RRAGB: variants seen among roughly 807,000 people sequenced by gnomAD.
RRAGB encodes ras-related GTP-binding protein B.
RRAGB carries 6 observed loss-of-function variants against 29.3 expected under a neutral mutation model. That is an observed-to-expected ratio of 0.21 (90% confidence interval 0.11 to 0.40). The LOEUF is 0.40. Ranked by LOEUF, RRAGB falls within the 10% of genes least tolerant of loss-of-function variation. The pLI is 1.00. For missense variants in RRAGB, 184 were observed against 272.9 expected, an observed-to-expected ratio of 0.67 and a Z score of 2.29; for synonymous variants, 101 against 92.5, an observed-to-expected ratio of 1.09 and a Z score of -0.53.
At chrX:55,748,331 C>T (rs373839373) in intron 5 of RRAGB, among the ~76,000 whole-genome samples, 1 of 110,962 alleles carries the variant, frequency 9.0e-6, no homozygotes, top group East Asian at 2.9e-4. Context: ...GGCCACCTAT[C>T]CTCTGGGATG....
At chrX:55,743,244 A>C (rs1032383050) in intron 5 of RRAGB, among the ~76,000 whole-genome samples, 3 of 112,368 alleles carry the variant, frequency 2.7e-5, no homozygotes, top group Non-Finnish European at 3.8e-5. Flanking sequence ...CATGTATGGT[A>C]GTTTTGGCAG....
rs927965810 is a variant in RRAGB at position 55,720,139 on chromosome X, T to C, written c.126+792T>C. 1.8e-5 allele frequency among the ~76,000 whole-genome samples: 2 copies of C among 112,213 alleles called. 1 individual carries two copies. On this transcript the variant is annotated intron_variant, in intron 2 of 9. Coordinates refer to ENST00000374941, the MANE Select transcript of RRAGB (RefSeq NM_006064.5). ...TTAGCTTCATCTAATAATTCAGTTC[T>C]GTAACTACAGTTTGCTAAGAGAATG...
In RRAGB at chrX:55,731,533, A is replaced by G; in HGVS notation, c.463A>G (p.Ile155Val). 1.7e-6 allele frequency: 2 copies of G among 1,208,537 alleles called. No homozygotes were observed. Among genetic ancestry groups the G allele is most frequent in the African/African-American group, 1.7e-5 (1 of 57,666 alleles). Residue 155 changes from isoleucine (I) to valine (V), a missense_variant, in exon 5 of 10, where the codon ATA (isoleucine) becomes GTA (valine). Physicochemically the swap from Ile to Val is conservative, Grantham distance 29. Transcript: ENST00000374941. Reference sequence around the variant, plus strand: ...TCTGCAGAATTCTCCAGATGCCAAAATATTTTGCTTGGTACACAAAATGGA... The same window carrying G: ...TCTGCAGAATTCTCCAGATGCCAAAGTATTTTGCTTGGTACACAAAATGGA... Reference protein sequence around the residue: ...AILQNSPDAKIFCLVHKMDLV... With the variant: ...AILQNSPDAKVFCLVHKMDLV...
intron 3 of RRAGB, among the ~76,000 whole-genome samples, chrX:55,723,991 G>A (rs2033387656): frequency 8.9e-6 from 1 of 112,349 alleles, no homozygotes; most frequent in South Asian, 3.7e-4. Context: ...GGTATTGAGA[G>A]TTAGATGCAG....
intron 5 of RRAGB, among the ~76,000 whole-genome samples, chrX:55,739,791 ACAAAG>A (rs2033989137): frequency 9.0e-6 from 1 of 111,619 alleles, no homozygotes; most frequent in Non-Finnish European, 1.9e-5. Flanking sequence ...AGGTCTGCTA[ACAAAG>A]CCTTCAGTCT....
chrX:55,741,025 A>ATTTTTTTTTTT (rs143015105), intron 5 of RRAGB, among the ~76,000 whole-genome samples: 1 of 80,879 alleles, frequency 1.2e-5, no homozygotes, highest in Non-Finnish European at 2.6e-5. Context: ...CTTCAAAATG[A>ATTTTTTTTTTT]TTTTTTTTTT....
At chrX:55,741,446 A>C (rs2034068781) in intron 5 of RRAGB, among the ~76,000 whole-genome samples, 1 of 112,470 alleles carries the variant, frequency 8.9e-6, no homozygotes, top group African/African-American at 3.2e-5. Context: ...ACAGCAAGTA[A>C]TAAGTCATTA....
chrX:55,736,230 A>G (rs2033859458), intron 5 of RRAGB, among the ~76,000 whole-genome samples: 1 of 112,288 alleles, frequency 8.9e-6, no homozygotes, highest in Admixed American at 9.4e-5. Context: ...TCCCTCAGGA[A>G]CACCTGTGAT....
chrX:55,724,571 T>G (rs776055365), intron 3 of RRAGB, among the ~76,000 whole-genome samples: 335 of 111,726 alleles, frequency 3.0e-3, no homozygotes, highest in Non-Finnish European at 5.3e-3. Flanking sequence ...AATTGACATC[T>G]GTAGCTCTGG....
chrX:55,732,237 G>A (rs1219087602), intron 5 of RRAGB, among the ~76,000 whole-genome samples: 1 of 104,971 alleles, frequency 9.5e-6, no homozygotes, highest in African/African-American at 3.4e-5. Flanking sequence ...ATAGAAAGAC[G>A]TAGTAAAATG....
At chrX:55,745,251 C>T (rs1044590163) in intron 5 of RRAGB, among the ~76,000 whole-genome samples, 21 of 112,246 alleles carry the variant, frequency 1.9e-4, no homozygotes, top group African/African-American at 6.5e-4. Flanking sequence ...TGAAGGTGGT[C>T]AAGATTCTTG....
chrX:55,746,326 C>T (rs1288915340), intron 5 of RRAGB, among the ~76,000 whole-genome samples: 2 of 112,186 alleles, frequency 1.8e-5, no homozygotes, highest in African/African-American at 6.5e-5. Context: ...AACTAGCCAA[C>T]ACCATAGGTC....
intron 5 of RRAGB, among the ~76,000 whole-genome samples, chrX:55,748,430 T>C (rs1380616619): frequency 9.5e-6 from 1 of 105,205 alleles, no homozygotes; most frequent in Non-Finnish European, 1.9e-5. Context: ...GAGGAGTGCC[T>C]CTTCCCGGCC....
At chrX:55,736,568 AT>A (rs2033870311) in intron 5 of RRAGB, among the ~76,000 whole-genome samples, 1 of 112,073 alleles carries the variant, frequency 8.9e-6, no homozygotes, top group African/African-American at 3.2e-5. Flanking sequence ...TGTTGCCAGA[AT>A]CATTTTTCTG....
At chrX:55,747,420 C>T (rs1011993341) in intron 5 of RRAGB, among the ~76,000 whole-genome samples, 2 of 111,681 alleles carry the variant, frequency 1.8e-5, no homozygotes, top group Non-Finnish European at 3.8e-5. Flanking sequence ...CTCAGCTCTG[C>T]AGCTATAGGG....
intron 2 of RRAGB, among the ~76,000 whole-genome samples, chrX:55,720,335 AATTTT>A (rs1371153616): frequency 8.9e-6 from 1 of 112,472 alleles, no homozygotes; most frequent in Middle Eastern, 4.6e-3. Context: ...TTTCAATTAA[AATTTT>A]AAAGTACAAA....
chrX:55,739,218 C>A (rs1246934909), intron 5 of RRAGB, among the ~76,000 whole-genome samples: 1 of 112,914 alleles, frequency 8.9e-6, no homozygotes, highest in Non-Finnish European at 1.9e-5. Context: ...CAGGCCTCAC[C>A]TCTCCCTGTT....
At chrX:55,749,185 TG>T (rs1273779672) in intron 5 of RRAGB, among the ~76,000 whole-genome samples, 11 of 42,589 alleles carry the variant, frequency 2.6e-4, no homozygotes, top group East Asian at 1.9e-3. Context: ...GGGAGGGAAG[TG>T]GGGGGGGTCA....
intron 5 of RRAGB, among the ~76,000 whole-genome samples, chrX:55,748,605 T>G (rs1404082739): frequency 2.8e-5 from 3 of 107,151 alleles, no homozygotes; most frequent in African/African-American, 1.0e-4. Flanking sequence ...CCGCCCAGTC[T>G]GAGAAGTGAG....
Sources: allele counts gnomAD v4.1 joint callset (sites outside exome capture counted in the v4.1 genomes callset), GRCh38; gene constraint gnomAD v4.1.1; transcripts MANE v1.5; gene names NCBI Gene and HGNC (gene_info 2026-07-23, HGNC 2026-07-21).